Variants in OR11G2 observed in about 807,000 individuals in gnomAD.
The protein encoded by OR11G2 is olfactory receptor 11G2.
A neutral mutation model predicts 0.9 loss-of-function variants in OR11G2; 2 were observed. That is an observed-to-expected ratio of 2.35 (90% CI 0.96 to 7.38). The LOEUF (loss-of-function observed/expected upper bound fraction) is 7.38. Ranked by LOEUF, OR11G2 falls within the 30% of genes most tolerant of loss-of-function variation. The pLI, the probability that OR11G2 is intolerant of heterozygous loss-of-function variation, is 0.05. For missense variants in OR11G2, 395 were observed against 371.3 expected (o/e 1.06, Z -0.52); for synonymous variants, 153 against 142.0 (o/e 1.08, Z -0.55).
chr14:20,197,663 T>A lies in OR11G2; in HGVS notation c.226T>A (p.Cys76Ser). ...CGCCAACTTCTCCTTCTTGGAGATATGTTATGTCACCTCCACAGTCCCCAG... is the reference window on the plus strand; with the variant it reads ...CGCCAACTTCTCCTTCTTGGAGATAAGTTATGTCACCTCCACAGTCCCCAG... ...LLANFSFLEICYVTSTVPSML... is the reference protein window; with the variant it reads ...LLANFSFLEISYVTSTVPSML... Residue 76 changes from cysteine to serine, a missense_variant, in exon 2 of 2, where the codon TGT becomes AGT. Cys to Ser is a moderately radical substitution (Grantham distance 112). Coordinates refer to ENST00000641879, the MANE Select transcript of OR11G2 (RefSeq NM_001386033.1). 1 of 1,614,058 alleles carries A rather than the reference T, an allele frequency of 6.2e-7. No homozygotes were observed. Among genetic ancestry groups the A allele is most frequent in the Non-Finnish European group, 8.5e-7 (1 of 1,179,928 alleles).
At chr14:20,197,253 C>T (rs1454218231) in intron 1 of OR11G2, 181 bp from the exon 2 acceptor site, 28 of 784,104 alleles carry the variant, frequency 3.6e-5, no homozygotes, top group South Asian at 2.3e-4. Context: ...CAGATCAATA[C>T]GTCAGTTTAA....
At position 20,197,640 on chromosome 14, in the gene OR11G2, C is replaced by T. The variant is rs756379542; in HGVS notation, c.203C>T (p.Ala68Val). 6.2e-7 allele frequency: 1 copy of T among 1,614,106 alleles called. No homozygotes were observed. The highest frequency in any genetic ancestry group is 2.2e-5 in the East Asian group (1 of 44,880). Residue 68 changes from alanine to valine, a missense_variant, in exon 2 of 2, where the codon GCC becomes GTC. Coordinates refer to ENST00000641879, the MANE Select transcript of OR11G2 (RefSeq NM_001386033.1). Reference protein sequence around the residue: ...RLHAPMYILLANFSFLEICYV... With the variant: ...RLHAPMYILLVNFSFLEICYV... The stretch of plus-strand genomic sequence containing the variant: ...CACGCCCCCATGTACATCCTGCTCG[C>T]CAACTTCTCCTTCTTGGAGATATGT...
At position 20,198,826 on chromosome 14, in the gene OR11G2, T is replaced by A. The variant is rs1326239124; in HGVS notation, c.*453T>A. 6.5e-6 allele frequency: 1 copy of A among 152,764 alleles called. No homozygotes were observed. The highest frequency in any genetic ancestry group is 1.5e-5 in the Non-Finnish European group (1 of 68,462). The allele number at this position is 152,764 out of a possible 1,614,324, so 9.5% of individuals were successfully genotyped here. On this transcript the variant is annotated 3_prime_UTR_variant, in exon 2 of 2. Coordinates refer to ENST00000641879, the MANE Select transcript of OR11G2 (RefSeq NM_001386033.1). Reference sequence around the variant, plus strand: ...CCTGTGAGCATGTTTCTGTTATTTCTCCTTTCAGATCTTGATTATTTGCCC... The same window carrying A: ...CCTGTGAGCATGTTTCTGTTATTTCACCTTTCAGATCTTGATTATTTGCCC...
rs1879648057 is a variant in OR11G2 at position 20,191,387 on chromosome 14, T to C, written c.-284T>C. 2 of 152,244 alleles carry C rather than the reference T, an allele frequency of 1.3e-5. No individual in the cohort carries two copies. Among genetic ancestry groups the C allele is most frequent in the South Asian group, 4.1e-4 (2 of 4,832 alleles). 9.4% of individuals were successfully genotyped at this position (152,244 alleles called of 1,614,324 possible). A position where few individuals can be genotyped will look rare whatever the true frequency, so the allele number is the denominator to read the frequency against. On this transcript the variant is annotated 5_prime_UTR_variant, in exon 1 of 2. Transcript: ENST00000641879. Reference sequence around the variant, plus strand: ...AGAAATGCTTTTGTCTCATATTATGTATTATAGCACAGGAGCTGGCTAACT... The same window carrying C: ...AGAAATGCTTTTGTCTCATATTATGCATTATAGCACAGGAGCTGGCTAACT...
At position 20,197,650 on chromosome 14, in the gene OR11G2, C is replaced by G. The variant is rs1340284261; in HGVS notation, c.213C>G (p.Ser71=). The G allele has an allele frequency of 6.2e-7, 1 of 1,613,922 alleles. No homozygotes were observed. Among genetic ancestry groups the G allele is most frequent in the Non-Finnish European group, 8.5e-7 (1 of 1,179,940 alleles). ...APMYILLANF[S]FLEICYVTST... ...TGTACATCCTGCTCGCCAACTTCTC[C>G]TTCTTGGAGATATGTTATGTCACCT... is the stretch of plus-strand genomic sequence containing the variant. Residue 71 remains serine, a synonymous_variant, in exon 2 of 2, where the codon TCC becomes TCG. Coordinates refer to ENST00000641879, the MANE Select transcript of OR11G2 (RefSeq NM_001386033.1).
At chr14:20,194,737 T>C (rs559267962) in intron 1 of OR11G2, among the ~76,000 whole-genome samples, 1 of 152,196 alleles carries the variant, frequency 6.6e-6, no homozygotes, top group African/African-American at 2.4e-5. Context: ...GAATTCTTTT[T>C]TGTGTGTTTT....
rs1566353710 is a variant in OR11G2 at position 20,197,510 on chromosome 14, AGGGAGG to A, written c.76_81del (p.Glu26_Gly27del). 6.2e-7 allele frequency: 1 copy of A among 1,613,930 alleles called. No homozygotes were observed. Among genetic ancestry groups the A allele is most frequent in the Non-Finnish European group, 8.5e-7 (1 of 1,179,900 alleles). ...CATCCTCCTGGGCTTCCCTTGCCCC[AGGGAGG>A]GGCAGATCCTCCTCTTTGTGCTCTT... On this transcript the variant is annotated inframe_deletion, in exon 2 of 2. Transcript: ENST00000641879.
At position 20,197,862 on chromosome 14, in the gene OR11G2, G is replaced by C. The variant is rs752202754; in HGVS notation, c.425G>C (p.Arg142Thr). The change falls in exon 2 of 2, where the codon AGA (arginine) becomes ACA (threonine). Residue 142 changes from arginine to threonine, a missense_variant. By Grantham distance (71) the Arg-to-Thr change is moderately conservative (BLOSUM62 -1). Coordinates refer to ENST00000641879, the MANE Select transcript of OR11G2 (RefSeq NM_001386033.1). Reference protein sequence around the residue: ...RPLRYPTIMTRRLCTNLVVNC... With the variant: ...RPLRYPTIMTTRLCTNLVVNC... ...CTACGCTATCCAACCATTATGACCA[G>C]ACGTCTCTGTACCAATCTTGTGGTC... 1 of 1,614,104 alleles carries C rather than the reference G, an allele frequency of 6.2e-7. No individual in the cohort carries two copies.
rs550929292 is a variant in OR11G2 at position 20,195,068 on chromosome 14, T to A, written c.-4-2366T>A. On this transcript the variant is annotated intron_variant, in intron 1 of 1. Transcript: ENST00000641879. ...TAGAAAATAGAAGTTTATGGTACAG[T>A]TACCAGAACCTATTCCACCCTATTC... is the stretch of plus-strand genomic sequence containing the variant. Among the ~76,000 whole-genome samples the A allele has an allele frequency of 2.8e-3, 434 of 152,290 alleles. 2 individuals carry two copies. The highest frequency in any genetic ancestry group is 4.6e-3 in the Non-Finnish European group (310 of 68,008).
intron 1 of OR11G2, among the ~76,000 whole-genome samples, chr14:20,193,100 G>T (rs367725328): frequency 6.6e-6 from 1 of 152,074 alleles, no homozygotes; most frequent in Non-Finnish European, 1.5e-5. Context: ...GTTTTGTTTT[G>T]TTTGTTGTTT....
intron 1 of OR11G2, among the ~76,000 whole-genome samples, chr14:20,194,239 G>T (rs1442539645): frequency 6.6e-6 from 1 of 152,142 alleles, no homozygotes; most frequent in Non-Finnish European, 1.5e-5. Flanking sequence ...GAGTTACTCT[G>T]GCTGTGGCAT....
intron 1 of OR11G2, among the ~76,000 whole-genome samples, chr14:20,195,864 C>T (rs1373960837): frequency 6.6e-6 from 1 of 152,042 alleles, no homozygotes; most frequent in Non-Finnish European, 1.5e-5. Context: ...TGAGCATACG[C>T]ATCATAAATA....
At chr14:20,195,661 T>C (rs1351089919) in intron 1 of OR11G2, among the ~76,000 whole-genome samples, 1 of 152,244 alleles carries the variant, frequency 6.6e-6, no homozygotes, top group East Asian at 1.9e-4. Context: ...TTGAAAAGGA[T>C]GTCAACTTGC....
intron 1 of OR11G2, among the ~76,000 whole-genome samples, chr14:20,193,113 G>T (rs1258515320): frequency 3.9e-5 from 6 of 152,024 alleles, no homozygotes; most frequent in Non-Finnish European, 7.4e-5. Flanking sequence ...TGTTGTTTTG[G>T]TTTTTGTTTT....
At chr14:20,193,192 A>G (rs970796673) in intron 1 of OR11G2, among the ~76,000 whole-genome samples, 2 of 152,194 alleles carry the variant, frequency 1.3e-5, no homozygotes, top group African/African-American at 4.8e-5. Context: ...ATCTCAGCTC[A>G]CTGCAACCTC....
intron 1 of OR11G2, among the ~76,000 whole-genome samples, chr14:20,194,334 A>C (rs1450358924): frequency 1.3e-5 from 2 of 152,202 alleles, no homozygotes; most frequent in African/African-American, 2.4e-5. Context: ...AGAAAAGAGA[A>C]TAGCTTGAAC....
At chr14:20,197,266 GA>G (rs1163779285) in intron 1 of OR11G2, 167 bp from the exon 2 acceptor site, 4 of 879,964 alleles carry the variant, frequency 4.5e-6, no homozygotes, top group Non-Finnish European at 6.9e-6. Flanking sequence ...CAGTTTAAAA[GA>G]AAAAAAGTGA....
At position 20,198,501 on chromosome 14, in the gene OR11G2, G is replaced by T; in HGVS notation, c.*128G>T. ...CCCAGCACTTTGGGAGCCCGAGGCG[G>T]GTGGATCACGAGGTCAGGAGATCAA... On this transcript the variant is annotated 3_prime_UTR_variant, in exon 2 of 2. Transcript: ENST00000641879. The T allele has an allele frequency of 1.6e-6, 1 of 643,256 alleles. No homozygotes were observed. The allele number at this position is 643,256 out of a possible 1,614,324, so 39.8% of individuals were successfully genotyped here. A position where few individuals can be genotyped will look rare whatever the true frequency, so the allele number is the denominator to read the frequency against.
At chr14:20,196,586 C>A (rs1479948314) in intron 1 of OR11G2, among the ~76,000 whole-genome samples, 1 of 152,138 alleles carries the variant, frequency 6.6e-6, no homozygotes, top group Admixed American at 6.5e-5. Context: ...GGAGATGGAC[C>A]ACAGCTTTAG....
Sources: allele counts gnomAD v4.1 joint callset (sites outside exome capture counted in the v4.1 genomes callset), GRCh38; gene constraint gnomAD v4.1.1; transcripts MANE v1.5; gene names NCBI Gene and HGNC (gene_info 2026-07-23, HGNC 2026-07-21).